GNG12: variants seen among roughly 807,000 people sequenced by gnomAD.
GNG12 encodes G protein subunit gamma 12, also known as guanine nucleotide-binding protein G(I)/G(S)/G(O) subunit gamma-12.
For synonymous variants in GNG12, 28 were observed against 29.7 expected (o/e 0.94, Z 0.19); for missense variants, 69 against 83.8 (o/e 0.82, Z 0.69).
intron 2 of GNG12, among the ~76,000 whole-genome samples, chr1:67,743,926 T>C (rs1289550287): frequency 6.6e-6 from 1 of 152,196 alleles, no homozygotes; most frequent in Non-Finnish European, 1.5e-5. Flanking sequence ...TATTTGTCAG[T>C]GAAGTGCTGA....
chr1:67,707,047 T>A (rs1487614099), intron 3 of GNG12, among the ~76,000 whole-genome samples: 1 of 152,186 alleles, frequency 6.6e-6, no homozygotes, highest in African/African-American at 2.4e-5. Flanking sequence ...GGAAAAGACT[T>A]CGAAGTCAGG....
chr1:67,824,923 C>T (rs1005527499), intron 1 of GNG12, among the ~76,000 whole-genome samples: 1 of 137,752 alleles, frequency 7.3e-6, no homozygotes, highest in African/African-American at 2.6e-5. Context: ...TTTATTACAG[C>T]CATAGGAAGT....
intron 2 of GNG12, among the ~76,000 whole-genome samples, chr1:67,774,027 G>A (rs554921319): frequency 5.3e-5 from 8 of 152,178 alleles, no homozygotes; most frequent in Non-Finnish European, 1.0e-4. Context: ...CGAGGCAGTC[G>A]TCATTGTTTT....
chr1:67,813,269 A>ATT (rs1265867475), intron 1 of GNG12, among the ~76,000 whole-genome samples: 4 of 152,238 alleles, frequency 2.6e-5, no homozygotes, highest in Admixed American at 1.3e-4. Flanking sequence ...ATTTCTCTAA[A>ATT]TATTTACCAG....
chr1:67,782,268 C>G (rs1486178469), intron 1 of GNG12, among the ~76,000 whole-genome samples: 1 of 152,156 alleles, frequency 6.6e-6, no homozygotes, highest in Non-Finnish European at 1.5e-5. Context: ...TGGAGGGCTA[C>G]CAACTTTGTA....
chr1:67,733,434 A>G (rs1189005984), intron 2 of GNG12, among the ~76,000 whole-genome samples: 3 of 152,124 alleles, frequency 2.0e-5, no homozygotes, highest in African/African-American at 2.4e-5. Context: ...AATCATATAC[A>G]CGTGCACGTA....
At chr1:67,739,094 G>C (rs768790421) in intron 2 of GNG12, among the ~76,000 whole-genome samples, 1 of 152,176 alleles carries the variant, frequency 6.6e-6, no homozygotes, top group African/African-American at 2.4e-5. Context: ...CAAGAGAATC[G>C]CTTGAACCTA....
At chr1:67,742,265 T>C (rs1407766709) in intron 2 of GNG12, among the ~76,000 whole-genome samples, 2 of 152,178 alleles carry the variant, frequency 1.3e-5, no homozygotes, top group Admixed American at 6.5e-5. Flanking sequence ...AATGTTTTAT[T>C]CTCATGACCC....
intron 2 of GNG12, among the ~76,000 whole-genome samples, chr1:67,741,166 C>T (rs1432272495): frequency 1.3e-5 from 2 of 152,198 alleles, no homozygotes; most frequent in African/African-American, 2.4e-5. Flanking sequence ...CAGAGAAATG[C>T]TTCTTAAGTT....
chr1:67,828,692 G>A (rs1346156228), intron 1 of GNG12, among the ~76,000 whole-genome samples: 1 of 152,122 alleles, frequency 6.6e-6, no homozygotes, highest in Non-Finnish European at 1.5e-5. Flanking sequence ...CTGTAAAAAC[G>A]CAGCTCATCA....
intron 2 of GNG12, among the ~76,000 whole-genome samples, chr1:67,718,382 T>C (rs1242998255): frequency 6.6e-6 from 1 of 152,178 alleles, no homozygotes; most frequent in Non-Finnish European, 1.5e-5. Context: ...GTGAAATTAA[T>C]TTTATTTAGC....
chr1:67,804,066 G>A (rs1313639384), intron 1 of GNG12, among the ~76,000 whole-genome samples: 1 of 152,146 alleles, frequency 6.6e-6, no homozygotes, highest in Non-Finnish European at 1.5e-5. Flanking sequence ...TGAGAAAGCA[G>A]GTTAAAGGTT....
At chr1:67,708,866 C>G (rs2100669411) in intron 2 of GNG12, among the ~76,000 whole-genome samples, 1 of 152,312 alleles carries the variant, frequency 6.6e-6, no homozygotes, top group Admixed American at 6.5e-5. Flanking sequence ...CCCAGGCTGA[C>G]TCAACCTTTT....
chr1:67,761,061 G>T (rs1486262902), intron 2 of GNG12, among the ~76,000 whole-genome samples: 1 of 152,202 alleles, frequency 6.6e-6, no homozygotes, highest in Non-Finnish European at 1.5e-5. Context: ...AGTTGTGCTA[G>T]ATACTGGAAG....
intron 2 of GNG12, among the ~76,000 whole-genome samples, chr1:67,731,955 C>T (rs543451952): frequency 1.3e-5 from 2 of 152,268 alleles, no homozygotes; most frequent in South Asian, 2.1e-4. Flanking sequence ...GTCTTACATG[C>T]GGTGGCATTC....
intron 1 of GNG12, among the ~76,000 whole-genome samples, chr1:67,815,505 G>T (rs1249626831): frequency 6.6e-6 from 1 of 152,164 alleles, no homozygotes; most frequent in Non-Finnish European, 1.5e-5. Context: ...GAGGCTCCTT[G>T]TGTACCTGTG....
chr1:67,754,195 G>A (rs894071585), intron 2 of GNG12, among the ~76,000 whole-genome samples: 11 of 152,126 alleles, frequency 7.2e-5, no homozygotes, highest in African/African-American at 2.7e-4. Flanking sequence ...TCTTGGCCTG[G>A]CCCACAGGTG....
Position 67,702,553 on chromosome 1 carries a change from T to C in GNG12, c.*2898A>G, listed in dbSNP as rs969088772. The C allele has an allele frequency of 1.3e-5, 2 of 152,058 alleles. No individual in the cohort carries two copies. Among genetic ancestry groups the C allele is most frequent in the African/African-American group, 2.4e-5 (1 of 41,400 alleles). 9.4% of individuals were successfully genotyped at this position (152,058 alleles called of 1,614,324 possible). A position where few individuals can be genotyped will look rare whatever the true frequency, so the allele number is the denominator to read the frequency against. On this transcript the variant is annotated 3_prime_UTR_variant, in exon 4 of 4. Transcript: ENST00000370982. Reference sequence around the variant, plus strand: ...AGGTCTTTCCTTTAAAAGTTAAGTATGGCACTTTTCATTTTAATAAGGTAA... The same window carrying C: ...AGGTCTTTCCTTTAAAAGTTAAGTACGGCACTTTTCATTTTAATAAGGTAA...
At chr1:67,815,795 G>A (rs1030659504) in intron 1 of GNG12, among the ~76,000 whole-genome samples, 2 of 152,110 alleles carry the variant, frequency 1.3e-5, no homozygotes, top group Admixed American at 6.5e-5. Flanking sequence ...AACTAGATGA[G>A]GAAATGAGCC....
Sources: allele counts gnomAD v4.1 joint callset (sites outside exome capture counted in the v4.1 genomes callset), GRCh38; gene constraint gnomAD v4.1.1; transcripts MANE v1.5; gene names NCBI Gene and HGNC (gene_info 2026-07-23, HGNC 2026-07-21).